AUTS2: variants seen among roughly 807,000 people sequenced by gnomAD.
AUTS2 encodes activator of transcription and developmental regulator AUTS2.
AUTS2 carries 17 observed loss-of-function variants against 112.4 expected under a neutral mutation model. That is an observed-to-expected ratio of 0.15 (90% confidence interval 0.10 to 0.23). The LOEUF is 0.23. Ranked by LOEUF, AUTS2 falls within the 10% of genes least tolerant of loss-of-function variation. The probability of loss-of-function intolerance (pLI) is 1.00; values close to 1 mark genes in which losing one functional copy is unlikely to be tolerated. For missense variants in AUTS2, 1,510 were observed against 1,701.6 expected, an observed-to-expected ratio of 0.89 and a Z score of 1.98; for synonymous variants, 751 against 702.7, an observed-to-expected ratio of 1.07 and a Z score of -1.09.
At chr7:69,738,184 C>T (rs1389085862) in intron 1 of AUTS2, among the ~76,000 whole-genome samples, 1 of 151,942 alleles carries the variant, frequency 6.6e-6, no homozygotes, top group Non-Finnish European at 1.5e-5. Context: ...GGGAGGTGGG[C>T]CATCAGGTTC....
intron 6 of AUTS2, among the ~76,000 whole-genome samples, chr7:70,723,112 T>C (rs1264816472): frequency 1.3e-5 from 2 of 152,128 alleles, no homozygotes; most frequent in African/African-American, 4.8e-5. Flanking sequence ...TCACCTGCAA[T>C]GGGTGGTGTT....
intron 5 of AUTS2, among the ~76,000 whole-genome samples, chr7:70,638,733 A>G (rs928608260): frequency 6.6e-6 from 1 of 152,212 alleles, no homozygotes; most frequent in African/African-American, 2.4e-5. Flanking sequence ...AGCTGCATGT[A>G]AGATGGATTT....
chr7:70,554,474 A>C (rs1026385231), intron 5 of AUTS2, among the ~76,000 whole-genome samples: 1 of 140,986 alleles, frequency 7.1e-6, no homozygotes, highest in African/African-American at 2.7e-5. Context: ...CAATTCAACT[A>C]CCTCAACTCT....
At chr7:69,768,580 T>C (rs1424665618) in intron 1 of AUTS2, among the ~76,000 whole-genome samples, 1 of 151,890 alleles carries the variant, frequency 6.6e-6, no homozygotes, top group African/African-American at 2.4e-5. Context: ...TGTAGAAGAG[T>C]GAGCAGGAAA....
At chr7:69,795,743 G>A (rs370269114) in intron 1 of AUTS2, among the ~76,000 whole-genome samples, 21 of 152,266 alleles carry the variant, frequency 1.4e-4, no homozygotes, top group African/African-American at 5.1e-4. Context: ...AGAAATATTT[G>A]CATATTAGTC....
chr7:70,413,578 T>G (rs1200134188), intron 4 of AUTS2, among the ~76,000 whole-genome samples: 1 of 152,234 alleles, frequency 6.6e-6, no homozygotes, highest in East Asian at 1.9e-4. Context: ...TAGAAGCTTG[T>G]TGTTTTTGGT....
At chr7:69,873,554 A>C (rs1399884925) in intron 1 of AUTS2, among the ~76,000 whole-genome samples, 2 of 152,090 alleles carry the variant, frequency 1.3e-5, no homozygotes, top group Non-Finnish European at 2.9e-5. Context: ...TAGGCAGATG[A>C]ACACAGCACT....
At position 70,732,550 on chromosome 7, in the gene AUTS2, G is replaced by A. The variant is rs149068579; in HGVS notation, c.743-30320G>A. 3.7e-3 allele frequency among the ~76,000 whole-genome samples: 566 copies of A among 152,252 alleles called. 3 individuals carry two copies. The highest frequency in any genetic ancestry group is 0.013 in the African/African-American group (537 of 41,548). On this transcript the variant is annotated intron_variant, in intron 6 of 18. Transcript: ENST00000342771. ...CTGTCTCCCCTGACAGAAACATTGC[G>A]GTGGTGGGGGTTGTGGGGGTGCATC... is the stretch of plus-strand genomic sequence containing the variant.
intron 4 of AUTS2, among the ~76,000 whole-genome samples, chr7:70,156,449 A>G (rs1193098780): frequency 6.6e-6 from 1 of 152,070 alleles, no homozygotes; most frequent in African/African-American, 2.4e-5. Context: ...GATAATCCCA[A>G]ATCCCCACTT....
rs193039763 is a variant in AUTS2, at chr7:69,916,073, T to C, written c.522+16575T>C. 2.6e-5 allele frequency among the ~76,000 whole-genome samples: 4 copies of C among 152,330 alleles called. No homozygotes were observed. In the East Asian group the frequency reaches 5.8e-4, roughly 22 times the overall value. On this transcript the variant is annotated intron_variant, in intron 2 of 18. Transcript: ENST00000342771. ...ATATAGTGAGTATACTGATGGGAGA[T>C]TGAACAATTACGTGATCTCAGGAGT...
chr7:70,357,019 A>T (rs1792042203), intron 4 of AUTS2, among the ~76,000 whole-genome samples: 1 of 152,086 alleles, frequency 6.6e-6, no homozygotes, highest in African/African-American at 2.4e-5. Context: ...AATGAAGGAG[A>T]CACATTGTGT....
rs73177797 is a variant in AUTS2, at chr7:70,587,819, T to C, written c.691-110750T>C. ...AAACAGTCAAATATTAGCAGTCCTATGTGGTTCAATCTGATCATCTTACTG... is the reference window on the plus strand; with the variant it reads ...AAACAGTCAAATATTAGCAGTCCTACGTGGTTCAATCTGATCATCTTACTG... On this transcript the variant is annotated intron_variant, in intron 5 of 18. Transcript: ENST00000342771. Among the ~76,000 whole-genome samples, 868 of 152,316 alleles carry C rather than the reference T, an allele frequency of 5.7e-3. 4 individuals carry two copies. The highest frequency in any genetic ancestry group is 9.9e-3 in the Non-Finnish European group (671 of 68,014).
At chr7:70,623,359 T>C (rs1044451901) in intron 5 of AUTS2, among the ~76,000 whole-genome samples, 3 of 152,226 alleles carry the variant, frequency 2.0e-5, no homozygotes, top group Non-Finnish European at 2.9e-5. Context: ...TAATGTCTTT[T>C]ATGAAACTTT....
intron 4 of AUTS2, among the ~76,000 whole-genome samples, chr7:70,337,797 C>T (rs1197297590): frequency 2.0e-5 from 3 of 152,086 alleles, no homozygotes; most frequent in African/African-American, 4.8e-5. Flanking sequence ...GTTGGGACAC[C>T]AGCAGATCTG....
chr7:70,041,973 T>C (rs1801267984), intron 2 of AUTS2, among the ~76,000 whole-genome samples: 1 of 152,218 alleles, frequency 6.6e-6, no homozygotes. Context: ...TATGGAATTA[T>C]CAGAGTTGTA....
At chr7:70,233,779 C>A (rs759512517) in intron 4 of AUTS2, among the ~76,000 whole-genome samples, 1 of 152,122 alleles carries the variant, frequency 6.6e-6, no homozygotes, top group African/African-American at 2.4e-5. Flanking sequence ...ATCACCAAAG[C>A]GGAATTTCCC....
chr7:69,831,687 A>G (rs1791507646), intron 1 of AUTS2, among the ~76,000 whole-genome samples: 1 of 151,662 alleles, frequency 6.6e-6, no homozygotes, highest in Non-Finnish European at 1.5e-5. Flanking sequence ...CTTTGATCCC[A>G]GATGTCTCAG....
intron 4 of AUTS2, among the ~76,000 whole-genome samples, chr7:70,370,079 A>G (rs187626052): frequency 1.2e-4 from 18 of 152,312 alleles, no homozygotes; most frequent in Admixed American, 4.6e-4. Flanking sequence ...ACCCTGCCCT[A>G]GTAGGATGTT....
Position 70,531,570 on chromosome 7 carries a change from C to T in AUTS2, c.690+95789C>T, listed in dbSNP as rs56759802. Among the ~76,000 whole-genome samples the T allele has an allele frequency of 2.0e-3, 307 of 152,096 alleles. 4 individuals are homozygous for T. Among genetic ancestry groups the T allele is most frequent in the Admixed American group, 5.6e-3 (86 of 15,284 alleles). The stretch of plus-strand genomic sequence containing the variant: ...AGCAGGCATGTCATATGGTGAGAGA[C>T]GGAGCAAAAGAAAGGGCTTGGGGGT... On this transcript the variant is annotated intron_variant, in intron 5 of 18. Coordinates refer to ENST00000342771, the MANE Select transcript of AUTS2 (RefSeq NM_015570.4).
Sources: allele counts gnomAD v4.1 joint callset (sites outside exome capture counted in the v4.1 genomes callset), GRCh38; gene constraint gnomAD v4.1.1; transcripts MANE v1.5; gene names NCBI Gene and HGNC (gene_info 2026-07-23, HGNC 2026-07-21).